The following MDGA2 variants were observed in gnomAD, a reference collection of about 807,000 sequenced individuals.
The protein encoded by MDGA2 is MAM domain-containing glycosylphosphatidylinositol anchor protein 2.
A neutral mutation model predicts 117.8 loss-of-function variants in MDGA2; 40 were observed. The observed-to-expected ratio is 0.34, with a 90% CI of 0.26 to 0.44. MDGA2 has a LOEUF of 0.44. MDGA2 is among the 20% of genes least tolerant of loss of function. MDGA2 has a pLI of 1.00. For missense variants in MDGA2, 1,123 were observed against 1,250.6 expected (o/e 0.90, Z 1.54); for synonymous variants, 452 against 439.0 (o/e 1.03, Z -0.37).
intron 3 of MDGA2, among the ~76,000 whole-genome samples, chr14:47,195,488 A>T (rs1885256578): frequency 6.6e-6 from 1 of 152,048 alleles, no homozygotes; most frequent in African/African-American, 2.4e-5. Context: ...GGGCCATGGG[A>T]AAATGATAAA....
At chr14:46,873,710 C>T in intron 13 of MDGA2, 119 bp from the exon 14 acceptor site, 1 of 923,210 alleles carries the variant, frequency 1.1e-6, no homozygotes. Context: ...AGATTTGCAT[C>T]TCATTTATAA....
At chr14:47,342,078 T>C (rs1890641547) in intron 1 of MDGA2, among the ~76,000 whole-genome samples, 1 of 151,924 alleles carries the variant, frequency 6.6e-6, no homozygotes, top group Non-Finnish European at 1.5e-5. Flanking sequence ...CTCAAACTCC[T>C]GACCTCAAGG....
At chr14:47,643,330 G>T (rs891451873) in intron 1 of MDGA2, among the ~76,000 whole-genome samples, 3 of 151,952 alleles carry the variant, frequency 2.0e-5, no homozygotes, top group African/African-American at 7.2e-5. Context: ...AGCATCTATG[G>T]TGCTTCTTGT....
intron 7 of MDGA2, among the ~76,000 whole-genome samples, chr14:47,047,389 T>C (rs1889302679): frequency 1.3e-5 from 2 of 152,180 alleles, no homozygotes; most frequent in South Asian, 2.1e-4. Flanking sequence ...AATGAAAAAA[T>C]GGCACAATGC....
chr14:46,985,293 T>C (rs1167186708), intron 8 of MDGA2, among the ~76,000 whole-genome samples: 1 of 152,072 alleles, frequency 6.6e-6, no homozygotes, highest in East Asian at 1.9e-4. Flanking sequence ...CAAGGGATAA[T>C]CTAGTAGTAT....
intron 9 of MDGA2, among the ~76,000 whole-genome samples, chr14:46,946,916 A>G (rs1400663104): frequency 6.6e-6 from 1 of 152,042 alleles, no homozygotes; most frequent in Non-Finnish European, 1.5e-5. Flanking sequence ...TTATATCCTC[A>G]TAAGACCTGC....
intron 1 of MDGA2, among the ~76,000 whole-genome samples, chr14:47,348,602 C>T (rs1890813311): frequency 6.6e-6 from 1 of 151,618 alleles, no homozygotes; most frequent in Non-Finnish European, 1.5e-5. Context: ...CTCGAGAAGG[C>T]AAAAAGGGAT....
At chr14:46,878,216 G>T (rs568137348) in intron 11 of MDGA2, among the ~76,000 whole-genome samples, 1 of 151,964 alleles carries the variant, frequency 6.6e-6, no homozygotes, top group Admixed American at 6.6e-5. Context: ...AAAGAGAAAT[G>T]AATACTTTAA....
intron 1 of MDGA2, among the ~76,000 whole-genome samples, chr14:47,542,411 T>A (rs1016219519): frequency 7.2e-5 from 11 of 152,244 alleles, no homozygotes; most frequent in Admixed American, 3.3e-4. Context: ...AAAAGATTTG[T>A]ATTTAGACAA....
At chr14:46,887,909 C>G (rs1404476494) in intron 10 of MDGA2, among the ~76,000 whole-genome samples, 5 of 151,858 alleles carry the variant, frequency 3.3e-5, no homozygotes, top group African/African-American at 4.8e-5. Flanking sequence ...TCAAGGTGTA[C>G]TTTCCTTGAT....
intron 6 of MDGA2, among the ~76,000 whole-genome samples, chr14:47,072,304 GA>G (rs1297550473): frequency 2.6e-5 from 4 of 152,120 alleles, no homozygotes; most frequent in African/African-American, 9.7e-5. Context: ...TATACACAGT[GA>G]AAATACAATT....
intron 2 of MDGA2, among the ~76,000 whole-genome samples, chr14:47,244,520 C>A (rs1887175654): frequency 6.6e-6 from 1 of 151,802 alleles, no homozygotes; most frequent in South Asian, 2.1e-4. Flanking sequence ...GAAAGAATCT[C>A]AATTATATAC....
chr14:47,144,305 T>C (rs2139202602), intron 3 of MDGA2, 31 bp from the exon 4 acceptor site: 2 of 1,496,478 alleles, frequency 1.3e-6, no homozygotes, highest in East Asian at 5.0e-5. Flanking sequence ...CAAATGGCAA[T>C]GTTATGAGAT....
At chr14:47,167,779 T>C (rs1443726294) in intron 3 of MDGA2, among the ~76,000 whole-genome samples, 3 of 152,166 alleles carry the variant, frequency 2.0e-5, no homozygotes, top group African/African-American at 7.2e-5. Context: ...ATGAACAAAA[T>C]GATATTTTAC....
intron 6 of MDGA2, among the ~76,000 whole-genome samples, chr14:47,091,029 C>A (rs964004618): frequency 1.3e-5 from 2 of 152,144 alleles, no homozygotes; most frequent in East Asian, 1.9e-4. Context: ...ATAAGCTACT[C>A]TTTTGGGATG....
chr14:47,544,757 G>C (rs1895425350), intron 1 of MDGA2, among the ~76,000 whole-genome samples: 1 of 152,022 alleles, frequency 6.6e-6, no homozygotes, highest in African/African-American at 2.4e-5. Flanking sequence ...CTCCCATCCA[G>C]TCTGTACTAG....
At chr14:47,241,319 GC>G (rs1437496811) in intron 2 of MDGA2, among the ~76,000 whole-genome samples, 21 of 151,890 alleles carry the variant, frequency 1.4e-4, no homozygotes, top group African/African-American at 4.8e-4. Context: ...TCTCCTTCAG[GC>G]TCCATGCACT....
chr14:46,953,347 T>A (rs1403257784), intron 9 of MDGA2, among the ~76,000 whole-genome samples: 1 of 151,820 alleles, frequency 6.6e-6, no homozygotes, highest in Admixed American at 6.6e-5. Flanking sequence ...TTAGTATCTT[T>A]CATTTAAAAG....
intron 1 of MDGA2, among the ~76,000 whole-genome samples, chr14:47,397,153 A>G (rs757162146): frequency 6.6e-6 from 1 of 152,200 alleles, no homozygotes; most frequent in Admixed American, 6.5e-5. Flanking sequence ...ATGCAGCCAA[A>G]AAAAAGGATG....
Sources: allele counts gnomAD v4.1 joint callset (sites outside exome capture counted in the v4.1 genomes callset), GRCh38; gene constraint gnomAD v4.1.1; transcripts MANE v1.5; gene names NCBI Gene and HGNC (gene_info 2026-07-23, HGNC 2026-07-21).